Variants in CHML observed in about 807,000 individuals in gnomAD.
The protein encoded by CHML is CHM like Rab escort protein.
Under a neutral mutation model 30.4 loss-of-function variants are expected in CHML, and 20 were observed. The observed-to-expected ratio is 0.66, with a 90% CI of 0.46 to 0.95. The LOEUF (loss-of-function observed/expected upper bound fraction) is 0.95, where lower values mean the gene tolerates loss of function less well. Among genes scored for constraint, CHML ranks in the 40% least tolerant of loss-of-function variants. The pLI is 0.00. For missense variants in CHML, 795 were observed against 768.5 expected (o/e 1.03, Z -0.41); for synonymous variants, 281 against 275.0 (o/e 1.02, Z -0.22).
chr1:241,633,800 T>C lies in CHML; in HGVS notation c.1967A>G (p.Asn656Ser). Reference sequence around the variant, plus strand: ...GCATTTCGAGATTGCTCTTTTCTAATTTTGAAGGTGCTTCTCTGGGCTTTC... The same window carrying C: ...GCATTTCGAGATTGCTCTTTTCTAACTTTGAAGGTGCTTCTCTGGGCTTTC... Reference protein sequence around the residue: ...NLESPEKHLQN With the variant: ...NLESPEKHLQS Residue 656 changes from asparagine (N) to serine (S), a missense_variant, in exon 2 of 2, where the codon AAT becomes AGT. Physicochemically the swap from Asn to Ser is conservative, Grantham distance 46 (BLOSUM62 1). Transcript: ENST00000366553. 6.2e-7 allele frequency: 1 copy of C among 1,613,386 alleles called. No homozygotes were observed. The highest frequency in any genetic ancestry group is 1.1e-5 in the South Asian group (1 of 90,998).
rs940893554 is a variant in CHML, at chr1:241,639,940, G to C, written c.-366C>G. ...AGCCCACGGTGTCCCACACCCAGCC[G>C]TTCCTCAGGCAGGACACGAAGGTAA... is the stretch of plus-strand genomic sequence containing the variant. On this transcript the variant is annotated 5_prime_UTR_variant, in exon 1 of 2. Coordinates refer to ENST00000366553, the MANE Select transcript of CHML (RefSeq NM_001381853.1). The C allele has an allele frequency of 2.5e-6, 4 of 1,607,872 alleles. No individual in the cohort carries two copies. Among genetic ancestry groups the C allele is most frequent in the African/African-American group, 2.7e-5 (2 of 74,292 alleles).
Position 241,634,241 on chromosome 1 carries a change from T to C in CHML, c.1526A>G (p.His509Arg), listed in dbSNP as rs1312758090. The change falls in exon 2 of 2, where the codon CAT becomes CGT. Residue 509 changes from histidine to arginine, a missense_variant. Transcript: ENST00000366553. ...MTCMKDTYLV[H>R]LTCSSSKTAR... ...TGTTTTAGAAGATGAACATGTCAAA[T>C]GTACCAGATAGGTGTCCTTCATGCA... 3 of 1,613,988 alleles carry C rather than the reference T, an allele frequency of 1.9e-6. No individual in the cohort carries two copies. Among genetic ancestry groups the C allele is most frequent in the South Asian group, 1.1e-5 (1 of 91,082 alleles).
chr1:241,638,073 C>T (rs951025191), intron 1 of CHML, among the ~76,000 whole-genome samples: 1 of 152,206 alleles, frequency 6.6e-6, no homozygotes, highest in African/African-American at 2.4e-5. Context: ...TCTATAGTAA[C>T]TTCACTACTA....
In CHML at chr1:241,640,274, T is replaced by TGGCGGGCGGAGGCGCTCAGCTTGC; in HGVS notation, c.-724_-701dup. 1 of 1,176,358 alleles carries TGGCGGGCGGAGGCGCTCAGCTTGC rather than the reference T, an allele frequency of 8.5e-7. No homozygotes were observed. 72.9% of individuals were successfully genotyped at this position (1,176,358 alleles called of 1,614,324 possible). A position where few individuals can be genotyped will look rare whatever the true frequency, so the allele number is the denominator to read the frequency against. On this transcript the variant is annotated 5_prime_UTR_variant, in exon 1 of 2. Coordinates refer to ENST00000366553, the MANE Select transcript of CHML (RefSeq NM_001381853.1). ...GTACATGGCCCGGCGCCGGCGCGCC[T>TGGCGGGCGGAGGCGCTCAGCTTGC]GGCGGGCGGAGGCGCTCAGCTTGCG...
chr1:241,636,145 A>G (rs1664888691), intron 1 of CHML, 72 bp from the exon 2 acceptor site: 2 of 414,926 alleles, frequency 4.8e-6, no homozygotes, highest in Non-Finnish European at 8.5e-6. Flanking sequence ...TGCAACAATG[A>G]CAATCCATTG....
In CHML at chr1:241,635,498, C is replaced by T. The variant is rs371695400; in HGVS notation, c.269G>A (p.Arg90His). The T allele has an allele frequency of 1.7e-5, 27 of 1,613,664 alleles. No individual in the cohort carries two copies. Among genetic ancestry groups the T allele is most frequent in the East Asian group, 4.5e-5 (2 of 44,892 alleles). ...IHETEEAITLRKKDETIQHTE... is the reference protein window; with the variant it reads ...IHETEEAITLHKKDETIQHTE... Reference sequence around the variant, plus strand: ...GTGTTGAATAGTTTCATCCTTCTTGCGAAGAGTGATGGCTTCTTCTGTTTC... The same window carrying T: ...GTGTTGAATAGTTTCATCCTTCTTGTGAAGAGTGATGGCTTCTTCTGTTTC... The change falls in exon 2 of 2, where the codon CGC becomes CAC. Residue 90 changes from arginine to histidine, a missense_variant. Physicochemically the swap from Arg to His is conservative, Grantham distance 29 (BLOSUM62 0). Transcript: ENST00000366553.
intron 1 of CHML, 56 bp downstream of exon 1, chr1:241,639,826 G>C (rs1406613870): frequency 1.6e-5 from 23 of 1,403,104 alleles, no homozygotes; most frequent in South Asian, 3.0e-5. Flanking sequence ...AGCGGGCAGC[G>C]GGGTGGGGAG....
chr1:241,637,927 C>T (rs1017559050), intron 1 of CHML, among the ~76,000 whole-genome samples: 1 of 152,180 alleles, frequency 6.6e-6, no homozygotes, highest in Non-Finnish European at 1.5e-5. Context: ...TTCAATACTC[C>T]ACTGTTAGGT....
Position 241,640,220 on chromosome 1 carries a change from T to C in CHML, c.-646A>G. 2 of 1,336,776 alleles carry C rather than the reference T, an allele frequency of 1.5e-6. No homozygotes were observed. The highest frequency in any genetic ancestry group is 1.9e-6 in the Non-Finnish European group (2 of 1,051,238). 82.8% of individuals were successfully genotyped at this position (1,336,776 alleles called of 1,614,324 possible). On this transcript the variant is annotated 5_prime_UTR_variant, in exon 1 of 2. Transcript: ENST00000366553. ...GCCCGCGGCCCCGCCGCCGTCCCAG[T>C]AGCCGTGGCCGCCGCTGCGGTTCCC...
rs1664714686 is a variant in CHML at position 241,633,212 on chromosome 1, T to A, written c.*584A>T. ...TATTATAAACTTCAGACCTTCACAG[T>A]GCATAAAGGATCATGCAAAGCTAAT... On this transcript the variant is annotated 3_prime_UTR_variant, in exon 2 of 2. Transcript: ENST00000366553. The A allele has an allele frequency of 6.5e-6, 1 of 154,268 alleles. No individual in the cohort carries two copies. The highest frequency in any genetic ancestry group is 2.0e-4 in the South Asian group (1 of 5,020). The allele number at this position is 154,268 out of a possible 1,614,324, so 9.6% of individuals were successfully genotyped here. A position where few individuals can be genotyped will look rare whatever the true frequency, so the allele number is the denominator to read the frequency against.
chr1:241,639,920 A>G lies in CHML; in HGVS notation c.-346T>C. 1 of 1,603,258 alleles carries G rather than the reference A, an allele frequency of 6.2e-7. No individual in the cohort carries two copies. Among genetic ancestry groups the G allele is most frequent in the Non-Finnish European group, 8.5e-7 (1 of 1,175,346 alleles). On this transcript the variant is annotated 5_prime_UTR_variant, in exon 1 of 2. Coordinates refer to ENST00000366553, the MANE Select transcript of CHML (RefSeq NM_001381853.1). ...GCTAAACCCGTCCCACACGCAGCCC[A>G]CGGTGTCCCACACCCAGCCGTTCCT...
In CHML at chr1:241,630,188, A is replaced by T. The variant is rs1573965438; in HGVS notation, c.*3608T>A. ...AGGAGTGACTTTCCCAAGAGTATAC[A>T]ACTGGTAAGTAGTGAAATGAGAACT... is the stretch of plus-strand genomic sequence containing the variant. On this transcript the variant is annotated 3_prime_UTR_variant, in exon 2 of 2. Transcript: ENST00000366553. 6.6e-6 allele frequency: 1 copy of T among 152,198 alleles called. No individual in the cohort carries two copies. The highest frequency in any genetic ancestry group is 3.4e-3 in the Middle Eastern group (1 of 294). The allele number at this position is 152,198 out of a possible 1,614,324, so 9.4% of individuals were successfully genotyped here.
At position 241,634,385 on chromosome 1, in the gene CHML, G is replaced by A. The variant is rs1055581232; in HGVS notation, c.1382C>T (p.Thr461Ile). ...ATCTGTCTTTAGTATAGACTGATCTGTAATGAGTACTGCCCTAGAGATCTG... is the reference window on the plus strand; with the variant it reads ...ATCTGTCTTTAGTATAGACTGATCTATAATGAGTACTGCCCTAGAGATCTG... ...YKQISRAVLI[T>I]DQSILKTDLD... Residue 461 changes from threonine (T) to isoleucine (I), a missense_variant, in exon 2 of 2, where the codon ACA becomes ATA. By Grantham distance (89) the Thr-to-Ile change is moderately conservative (BLOSUM62 -1). Transcript: ENST00000366553. 1.2e-6 allele frequency: 2 copies of A among 1,613,908 alleles called. No homozygotes were observed. Among genetic ancestry groups the A allele is most frequent in the Non-Finnish European group, 1.7e-6 (2 of 1,179,906 alleles).
Position 241,640,326 on chromosome 1 carries a change from G to C in CHML, c.-752C>G. 9.2e-7 allele frequency: 1 copy of C among 1,085,388 alleles called. No homozygotes were observed. Among genetic ancestry groups the C allele is most frequent in the Non-Finnish European group, 1.1e-6 (1 of 897,742 alleles). 67.2% of individuals were successfully genotyped at this position (1,085,388 alleles called of 1,614,324 possible). A position where few individuals can be genotyped will look rare whatever the true frequency, so the allele number is the denominator to read the frequency against. ...CGGGGCTCGCGGCGCGCTCCGCACT[G>C]GGTGGGGTTGGGGCTCCGCCGCCTG... On this transcript the variant is annotated 5_prime_UTR_variant, in exon 1 of 2. Coordinates refer to ENST00000366553, the MANE Select transcript of CHML (RefSeq NM_001381853.1).
At position 241,635,477 on chromosome 1, in the gene CHML, TGAA is replaced by T; in HGVS notation, c.287_289del (p.Ile96_Gln97delinsLys). On this transcript the variant is annotated inframe_deletion, in exon 2 of 2. Transcript: ENST00000366553. ...GGCGTAGCAAAAAGCTTCTGTGTGT[TGAA>T]TAGTTTCATCCTTCTTGCGAAGAGT... 2 of 1,613,904 alleles carry T rather than the reference TGAA, an allele frequency of 1.2e-6. No individual in the cohort carries two copies. The highest frequency in any genetic ancestry group is 1.7e-6 in the Non-Finnish European group (2 of 1,179,954).
Position 241,640,195 on chromosome 1 carries a change from G to C in CHML, c.-621C>G. 7.3e-7 allele frequency: 1 copy of C among 1,373,010 alleles called. No homozygotes were observed. Among genetic ancestry groups the C allele is most frequent in the East Asian group, 3.0e-5 (1 of 33,006 alleles). The allele number at this position is 1,373,010 out of a possible 1,614,324, so 85.1% of individuals were successfully genotyped here. A position where few individuals can be genotyped will look rare whatever the true frequency, so the allele number is the denominator to read the frequency against. The stretch of plus-strand genomic sequence containing the variant: ...TCCCCGCCGGCGCCGGCCCCTCAGC[G>C]CCCGCGGCCCCGCCGCCGTCCCAGT... On this transcript the variant is annotated 5_prime_UTR_variant, in exon 1 of 2. Transcript: ENST00000366553.
At chr1:241,639,196 G>T (rs536442350) in intron 1 of CHML, 1 of 152,190 alleles carries the variant, frequency 6.6e-6, no homozygotes, top group African/African-American at 2.4e-5. Flanking sequence ...AGATGGTATT[G>T]GCTGAGCCAT....
rs1365904042 is a variant in CHML at position 241,633,184 on chromosome 1, GAGT to G, written c.*609_*611del. 1 of 152,410 alleles carries G rather than the reference GAGT, an allele frequency of 6.6e-6. No homozygotes were observed. Among genetic ancestry groups the G allele is most frequent in the African/African-American group, 2.4e-5 (1 of 41,422 alleles). 9.4% of individuals were successfully genotyped at this position (152,410 alleles called of 1,614,324 possible). ...GCCTCATCAGTTACAAGGGTCAAGT[GAGT>G]ATTATAAACTTCAGACCTTCACAGT... On this transcript the variant is annotated 3_prime_UTR_variant, in exon 2 of 2. Coordinates refer to ENST00000366553, the MANE Select transcript of CHML (RefSeq NM_001381853.1).
rs1309617834 is a variant in CHML, at chr1:241,630,414, A to C, written c.*3382T>G. 1 of 152,074 alleles carries C rather than the reference A, an allele frequency of 6.6e-6. No individual in the cohort carries two copies. The highest frequency in any genetic ancestry group is 1.5e-5 in the Non-Finnish European group (1 of 67,926). The allele number at this position is 152,074 out of a possible 1,614,324, so 9.4% of individuals were successfully genotyped here. On this transcript the variant is annotated 3_prime_UTR_variant, in exon 2 of 2. Coordinates refer to ENST00000366553, the MANE Select transcript of CHML (RefSeq NM_001381853.1). ...CTCATATATATTAATAACCAAACAC[A>C]CTTTTTAAATTGCAGTTTGTCACTG...
Sources: allele counts gnomAD v4.1 joint callset (sites outside exome capture counted in the v4.1 genomes callset), GRCh38; gene constraint gnomAD v4.1.1; transcripts MANE v1.5; gene names NCBI Gene and HGNC (gene_info 2026-07-23, HGNC 2026-07-21).